CACNA2D1: variants seen among roughly 807,000 people sequenced by gnomAD.
CACNA2D1 encodes calcium voltage-gated channel auxiliary subunit alpha2delta 1, also known as voltage-dependent calcium channel subunit alpha-2/delta-1.
In CACNA2D1, 53 loss-of-function variants were observed where a neutral mutation model predicts 171.5. The ratio of observed to expected loss-of-function variants is 0.31; its 90% CI spans 0.25 to 0.39. CACNA2D1 has a LOEUF of 0.39. Ranked by LOEUF, CACNA2D1 falls within the 10% of genes least tolerant of loss-of-function variation. The pLI is 1.00. For missense variants in CACNA2D1, 903 were observed against 1,299.8 expected (o/e 0.69, Z 4.69); for synonymous variants, 442 against 443.1 (o/e 1.00, Z 0.03).
At chr7:82,245,662 T>TCACA (rs1554479416) in intron 3 of CACNA2D1, among the ~76,000 whole-genome samples, 8 of 145,376 alleles carry the variant, frequency 5.5e-5, no homozygotes, top group East Asian at 2.0e-4. Flanking sequence ...TCTCTCTCTC[T>TCACA]CACACACACA....
chr7:82,094,260 A>C (rs1036421999), intron 6 of CACNA2D1, among the ~76,000 whole-genome samples: 3 of 152,138 alleles, frequency 2.0e-5, no homozygotes, highest in African/African-American at 7.2e-5. Context: ...AACTATATAC[A>C]TCTCAGAAAT....
intron 7 of CACNA2D1, among the ~76,000 whole-genome samples, chr7:82,075,467 A>G (rs1808852310): frequency 6.6e-6 from 1 of 152,230 alleles, no homozygotes; most frequent in Non-Finnish European, 1.5e-5. Context: ...AGTAAGTTCT[A>G]TGAGGCAAGT....
chr7:82,084,525 C>A (rs955756828), intron 7 of CACNA2D1, among the ~76,000 whole-genome samples: 1 of 152,116 alleles, frequency 6.6e-6, no homozygotes, highest in Non-Finnish European at 1.5e-5. Flanking sequence ...CTAAGGATAC[C>A]TGCTCATGGT....
At chr7:82,285,148 A>G (rs1048840343) in intron 3 of CACNA2D1, among the ~76,000 whole-genome samples, 1 of 151,542 alleles carries the variant, frequency 6.6e-6, no homozygotes, top group Non-Finnish European at 1.5e-5. Context: ...CCCTCTTCCC[A>G]GGAGCTCCCC....
At chr7:82,414,703 T>G (rs1271726055) in intron 1 of CACNA2D1, among the ~76,000 whole-genome samples, 1 of 152,162 alleles carries the variant, frequency 6.6e-6, no homozygotes, top group Non-Finnish European at 1.5e-5. Flanking sequence ...TCCAGAATGT[T>G]TATTGTAAAA....
chr7:82,310,875 T>G (rs1248471617), intron 3 of CACNA2D1, among the ~76,000 whole-genome samples: 1 of 152,158 alleles, frequency 6.6e-6, no homozygotes, highest in African/African-American at 2.4e-5. Flanking sequence ...TTTAATAGGC[T>G]TCACAGAATA....
chr7:82,297,764 T>C (rs951162270), intron 3 of CACNA2D1, among the ~76,000 whole-genome samples: 4 of 152,150 alleles, frequency 2.6e-5, no homozygotes, highest in East Asian at 1.9e-4. Flanking sequence ...ATATTTCAGA[T>C]GCTGGAGGCT....
In CACNA2D1 at chr7:81,995,299, G is replaced by A. The variant is rs376245093; in HGVS notation, c.1663-360C>T. Reference sequence around the variant, plus strand: ...ATATGTACAGAATTACATATAACACGGAATGCTTCAAATTTCTGCCTTACA... The same window carrying A: ...ATATGTACAGAATTACATATAACACAGAATGCTTCAAATTTCTGCCTTACA... On this transcript the variant is annotated intron_variant, in intron 19 of 38. Transcript: ENST00000356860. 6.6e-5 allele frequency among the ~76,000 whole-genome samples: 10 copies of A among 152,150 alleles called. No individual in the cohort carries two copies. In the South Asian group the frequency reaches 1.0e-3, roughly 16 times the overall value.
intron 4 of CACNA2D1, among the ~76,000 whole-genome samples, chr7:82,156,663 T>C (rs894181640): frequency 6.0e-5 from 9 of 151,088 alleles, no homozygotes; most frequent in Non-Finnish European, 1.3e-4. Context: ...GAGAGATCAA[T>C]GTGCATAATA....
At chr7:81,991,146 C>T in intron 21 of CACNA2D1, 39 bp downstream of exon 21, 1 of 962,046 alleles carries the variant, frequency 1.0e-6, no homozygotes, top group Non-Finnish European at 1.7e-6. Context: ...AATATTAATC[C>T]ATTGGAATAC....
intron 1 of CACNA2D1, among the ~76,000 whole-genome samples, chr7:82,415,169 C>T (rs1044907310): frequency 6.6e-6 from 1 of 152,140 alleles, no homozygotes; most frequent in African/African-American, 2.4e-5. Context: ...GAAGACACAT[C>T]AGATACAAAT....
At chr7:82,401,274 C>T (rs1191980080) in intron 1 of CACNA2D1, among the ~76,000 whole-genome samples, 1 of 151,948 alleles carries the variant, frequency 6.6e-6, no homozygotes, top group East Asian at 1.9e-4. Context: ...TATTGCAGCA[C>T]TATTCACAAT....
At chr7:82,147,577 T>C (rs1793292106) in intron 4 of CACNA2D1, among the ~76,000 whole-genome samples, 1 of 152,176 alleles carries the variant, frequency 6.6e-6, no homozygotes, top group East Asian at 1.9e-4. Context: ...TTTCTTCCTA[T>C]TGACTCAGAC....
chr7:82,104,036 CA>C (rs1421557199), intron 6 of CACNA2D1, among the ~76,000 whole-genome samples: 5 of 151,980 alleles, frequency 3.3e-5, no homozygotes, highest in African/African-American at 1.2e-4. Context: ...TAAACCATCT[CA>C]AAATCAGCTA....
At chr7:82,095,323 T>G (rs1166197722) in intron 6 of CACNA2D1, among the ~76,000 whole-genome samples, 1 of 152,150 alleles carries the variant, frequency 6.6e-6, no homozygotes, top group African/African-American at 2.4e-5. Flanking sequence ...CCACTCCTTA[T>G]TTTTTTCTAT....
chr7:82,319,933 G>C (rs1748905782), intron 3 of CACNA2D1, among the ~76,000 whole-genome samples: 1 of 152,176 alleles, frequency 6.6e-6, no homozygotes, highest in African/African-American at 2.4e-5. Context: ...AGCTCCCGTA[G>C]AATACAAGGA....
intron 1 of CACNA2D1, among the ~76,000 whole-genome samples, chr7:82,367,922 G>C (rs888848430): frequency 2.0e-5 from 3 of 151,648 alleles, no homozygotes; most frequent in Admixed American, 6.6e-5. Flanking sequence ...TGCAATATCT[G>C]AATTTGTATA....
At chr7:82,394,183 A>C (rs1825522279) in intron 1 of CACNA2D1, among the ~76,000 whole-genome samples, 1 of 152,174 alleles carries the variant, frequency 6.6e-6, no homozygotes, top group Non-Finnish European at 1.5e-5. Flanking sequence ...TCCAAAAGAC[A>C]CATTTCTTGA....
At chr7:82,290,578 T>C (rs1811391911) in intron 3 of CACNA2D1, among the ~76,000 whole-genome samples, 2 of 123,204 alleles carry the variant, frequency 1.6e-5, no homozygotes. Context: ...AGGTCGTATA[T>C]TAAAAAAAAA....
Sources: allele counts gnomAD v4.1 joint callset (sites outside exome capture counted in the v4.1 genomes callset), GRCh38; gene constraint gnomAD v4.1.1; transcripts MANE v1.5; gene names NCBI Gene and HGNC (gene_info 2026-07-23, HGNC 2026-07-21).